The following STK39 variants were observed in gnomAD, a reference collection of about 807,000 sequenced individuals.
The protein encoded by STK39 is serine/threonine kinase 39, also known as STE20/SPS1-related proline-alanine-rich protein kinase.
Under a neutral mutation model 77.8 loss-of-function variants are expected in STK39, and 20 were observed. The observed-to-expected ratio is 0.26, with a 90% CI of 0.18 to 0.37. STK39 has a LOEUF of 0.37. Ranked by LOEUF, STK39 falls within the 10% of genes least tolerant of loss-of-function variation. STK39 has a pLI of 1.00. For missense variants in STK39, 479 were observed against 656.5 expected, an observed-to-expected ratio of 0.73 and a Z score of 2.95; for synonymous variants, 246 against 234.1, an observed-to-expected ratio of 1.05 and a Z score of -0.47.
At chr2:168,083,421 T>C (rs1420600888) in intron 10 of STK39, among the ~76,000 whole-genome samples, 1 of 152,216 alleles carries the variant, frequency 6.6e-6, no homozygotes, top group Admixed American at 6.5e-5. Flanking sequence ...CAAAGTTTTA[T>C]TGACTACCTT....
intron 10 of STK39, among the ~76,000 whole-genome samples, chr2:168,111,940 A>G (rs1687130091): frequency 6.6e-6 from 1 of 152,180 alleles, no homozygotes; most frequent in South Asian, 2.1e-4. Context: ...CCCAGTATGG[A>G]CAGAATAAGT....
chr2:168,171,042 C>T (rs180688980), intron 2 of STK39, among the ~76,000 whole-genome samples: 14 of 152,240 alleles, frequency 9.2e-5, no homozygotes, highest in East Asian at 1.9e-4. Context: ...CCTTGGAAAC[C>T]GAGGAAATGA....
chr2:168,093,843 TG>T (rs1559093874), intron 10 of STK39, among the ~76,000 whole-genome samples: 1 of 152,158 alleles, frequency 6.6e-6, no homozygotes, highest in Admixed American at 6.5e-5. Flanking sequence ...TTGTGGGTGG[TG>T]GGGGGAAAGC....
intron 5 of STK39, among the ~76,000 whole-genome samples, chr2:168,142,069 T>C (rs923544120): frequency 3.9e-5 from 6 of 152,236 alleles, no homozygotes; most frequent in Admixed American, 2.0e-4. Flanking sequence ...AATAAAAGTA[T>C]ATATGTTTAA....
At chr2:168,014,789 A>C (rs1260812487) in intron 15 of STK39, among the ~76,000 whole-genome samples, 1 of 152,214 alleles carries the variant, frequency 6.6e-6, no homozygotes, top group Non-Finnish European at 1.5e-5. Flanking sequence ...ATCACTTCTA[A>C]AGTATCAGTA....
chr2:167,963,588 C>G (rs528330029), intron 17 of STK39, among the ~76,000 whole-genome samples: 1 of 151,034 alleles, frequency 6.6e-6, no homozygotes, highest in South Asian at 2.1e-4. Context: ...AAGGGATTTT[C>G]CTATTTGTTA....
intron 16 of STK39, among the ~76,000 whole-genome samples, chr2:167,980,977 C>G (rs1362927526): frequency 6.6e-6 from 1 of 151,572 alleles, no homozygotes; most frequent in Admixed American, 6.6e-5. Flanking sequence ...GAATAATTCA[C>G]TTCTTGAATA....
chr2:168,207,282 C>T (rs6433043), intron 1 of STK39, among the ~76,000 whole-genome samples: 151,281 of 152,342 alleles, frequency 0.99, 75,117 homozygotes, highest in Middle Eastern at 1. Flanking sequence ...TACATAAACA[C>T]TGAGAAACAT....
chr2:168,246,702 G>A (rs1690913839), intron 1 of STK39, among the ~76,000 whole-genome samples: 1 of 152,140 alleles, frequency 6.6e-6, no homozygotes, highest in Non-Finnish European at 1.5e-5. Flanking sequence ...TGGGGCCTCC[G>A]CGGCTTCTAC....
At chr2:168,050,836 C>A (rs1456167312) in intron 14 of STK39, among the ~76,000 whole-genome samples, 3 of 152,122 alleles carry the variant, frequency 2.0e-5, no homozygotes, top group Admixed American at 6.5e-5. Flanking sequence ...ATACAAAGGC[C>A]AACCAATGAA....
chr2:168,228,199 T>C (rs1385345990), intron 1 of STK39, among the ~76,000 whole-genome samples: 8 of 152,126 alleles, frequency 5.3e-5, no homozygotes, highest in Admixed American at 5.2e-4. Context: ...TATGCCAAAA[T>C]CTCAAGAAAT....
chr2:167,964,801 G>T, intron 16 of STK39, 75 bp from the exon 17 acceptor site: 2 of 1,329,174 alleles, frequency 1.5e-6, no homozygotes, highest in Non-Finnish European at 1.1e-6. Flanking sequence ...CAATGACTCA[G>T]AAAATTTGAC....
At chr2:168,200,553 T>G (rs904659927) in intron 1 of STK39, among the ~76,000 whole-genome samples, 4 of 152,216 alleles carry the variant, frequency 2.6e-5, no homozygotes, top group Admixed American at 1.3e-4. Context: ...GGCATGCGCC[T>G]GTAACCCCAG....
chr2:168,247,170 C>G, intron 1 of STK39, 58 bp downstream of exon 1: 1 of 1,120,714 alleles, frequency 8.9e-7, no homozygotes, highest in South Asian at 3.3e-5. Flanking sequence ...CCCGCGCCCC[C>G]TCCCGCCCGG....
chr2:168,019,528 A>G (rs1417681161), intron 14 of STK39, among the ~76,000 whole-genome samples: 1 of 152,202 alleles, frequency 6.6e-6, no homozygotes, highest in Non-Finnish European at 1.5e-5. Context: ...ATTACCGCAC[A>G]TAACTTATGC....
intron 14 of STK39, among the ~76,000 whole-genome samples, chr2:168,042,605 G>C (rs1375337995): frequency 6.9e-6 from 1 of 145,702 alleles, no homozygotes; most frequent in Non-Finnish European, 1.5e-5. Context: ...TCTTGAGATG[G>C]AGTCTCGCTC....
In STK39 at chr2:168,193,360, A is replaced by T. The variant is rs1345053390; in HGVS notation, c.209-11270T>A. On this transcript the variant is annotated intron_variant, in intron 1 of 17. Coordinates refer to ENST00000355999, the MANE Select transcript of STK39 (RefSeq NM_013233.3). ...GGGCATGATGCCATAGTCTGAAATGATGGCAGAAAATAAGAGCCACAAGGG... is the reference window on the plus strand; with the variant it reads ...GGGCATGATGCCATAGTCTGAAATGTTGGCAGAAAATAAGAGCCACAAGGG... 2.0e-5 allele frequency among the ~76,000 whole-genome samples: 3 copies of T among 152,210 alleles called. No individual in the cohort carries two copies. In the East Asian group the frequency reaches 5.8e-4, roughly 29 times the overall value.
chr2:168,228,890 G>C (rs1690375236), intron 1 of STK39, among the ~76,000 whole-genome samples: 1 of 152,048 alleles, frequency 6.6e-6, no homozygotes, highest in Non-Finnish European at 1.5e-5. Flanking sequence ...AAGGAACTCA[G>C]GCCAGCCACA....
intron 10 of STK39, among the ~76,000 whole-genome samples, chr2:168,128,581 C>G (rs1177721008): frequency 6.6e-6 from 1 of 152,206 alleles, no homozygotes; most frequent in Admixed American, 6.5e-5. Flanking sequence ...GATACCTTCA[C>G]AGAATGGGAC....
Sources: allele counts gnomAD v4.1 joint callset (sites outside exome capture counted in the v4.1 genomes callset), GRCh38; gene constraint gnomAD v4.1.1; transcripts MANE v1.5; gene names NCBI Gene and HGNC (gene_info 2026-07-23, HGNC 2026-07-21).